Variants in PDE1C observed in about 807,000 individuals in gnomAD.
PDE1C encodes the protein phosphodiesterase 1C.
Under a neutral mutation model 93.1 loss-of-function variants are expected in PDE1C, and 62 were observed. The ratio of observed to expected loss-of-function variants is 0.67; its 90% CI spans 0.54 to 0.82. PDE1C has a LOEUF of 0.82. Among genes scored for constraint, PDE1C ranks in the 40% least tolerant of loss-of-function variants. The pLI is 0.00. For synonymous variants in PDE1C, 325 were observed against 310.1 expected, an observed-to-expected ratio of 1.05 and a Z score of -0.50; for missense variants, 742 against 884.6, an observed-to-expected ratio of 0.84 and a Z score of 2.04.
chr7:32,143,848 G>A (rs562010636), intron 3 of PDE1C, among the ~76,000 whole-genome samples: 76 of 152,160 alleles, frequency 5.0e-4, no homozygotes, highest in Middle Eastern at 3.4e-3. Flanking sequence ...TGTCCCTTAC[G>A]TAAAGAGCCA....
intron 3 of PDE1C, among the ~76,000 whole-genome samples, chr7:32,115,467 G>A (rs1798938501): frequency 6.6e-6 from 1 of 152,058 alleles, no homozygotes; most frequent in Non-Finnish European, 1.5e-5. Flanking sequence ...AGGGCCTGTT[G>A]AGGGGAGGGG....
chr7:32,233,136 C>T (rs947568757), intron 1 of PDE1C, among the ~76,000 whole-genome samples: 2 of 151,724 alleles, frequency 1.3e-5, no homozygotes, highest in Non-Finnish European at 2.9e-5. Context: ...GAAAATACTC[C>T]AAAAAAAGAA....
intron 3 of PDE1C, among the ~76,000 whole-genome samples, chr7:32,106,380 G>A (rs1798312571): frequency 6.6e-6 from 1 of 152,044 alleles, no homozygotes; most frequent in South Asian, 2.1e-4. Flanking sequence ...TCTTAAATAT[G>A]AGCAGTCAGG....
rs1476839304 is a variant in PDE1C at position 31,794,085 on chromosome 7, CAGACAGATAGAT to C, written c.1891+14934_1891+14945del. On this transcript the variant is annotated intron_variant, in intron 16 of 17. Transcript: ENST00000396191. ...ACAGACAGACAGACAGACAGACAGA[CAGACAGATAGAT>C]AGACAGATAGATGGGCAGGCGGGCA... Among the ~76,000 whole-genome samples the C allele has an allele frequency of 3.1e-3, 429 of 137,260 alleles. 4 individuals carry two copies. Among genetic ancestry groups the C allele is most frequent in the African/African-American group, 0.012 (396 of 34,124 alleles). The allele number at this position is 137,260 out of a possible 152,430, so 90.0% of individuals were successfully genotyped here.
intron 1 of PDE1C, among the ~76,000 whole-genome samples, chr7:32,406,079 C>A (rs1456316858): frequency 6.6e-6 from 1 of 152,128 alleles, no homozygotes; most frequent in African/African-American, 2.4e-5. Flanking sequence ...CTTCATGTTA[C>A]AGAAAAGGAA....
chr7:31,892,591 G>C (rs1387523684), intron 2 of PDE1C, among the ~76,000 whole-genome samples: 1 of 152,152 alleles, frequency 6.6e-6, no homozygotes, highest in African/African-American at 2.4e-5. Flanking sequence ...TGGCCATGAA[G>C]GGGTTGTAAA....
chr7:31,745,125 T>C, the PDE1C span, among the ~76,000 whole-genome samples: 8 of 152,202 alleles, frequency 5.3e-5, no homozygotes, highest in African/African-American at 1.9e-4. Context: ...TCTTCATCTA[T>C]GGATGCTAAT....
chr7:32,345,701 C>T (rs976356801), intron 1 of PDE1C, among the ~76,000 whole-genome samples: 3 of 151,942 alleles, frequency 2.0e-5, no homozygotes, highest in African/African-American at 7.3e-5. Context: ...TGTAAACAGA[C>T]AATTCATTAA....
chr7:32,206,183 G>C (rs1050674334), intron 2 of PDE1C, among the ~76,000 whole-genome samples: 1 of 152,120 alleles, frequency 6.6e-6, no homozygotes, highest in African/African-American at 2.4e-5. Flanking sequence ...TCTCCCACTA[G>C]CATGTAGGAG....
chr7:31,739,402 C>T, the PDE1C span, among the ~76,000 whole-genome samples: 88 of 152,200 alleles, frequency 5.8e-4, 1 homozygote, highest in Middle Eastern at 6.8e-3. Flanking sequence ...AGAGGGAATG[C>T]CCTTGTTTTA....
At chr7:32,298,538 C>A in intron 1 of PDE1C, 1 of 1,311,792 alleles carries the variant, frequency 7.6e-7, no homozygotes, top group Non-Finnish European at 1.1e-6. Context: ...GAGCACCCTC[C>A]GGCCCCAGCC....
intron 1 of PDE1C, among the ~76,000 whole-genome samples, chr7:32,053,120 C>T (rs1793607864): frequency 6.6e-6 from 1 of 152,174 alleles, no homozygotes; most frequent in Admixed American, 6.5e-5. Flanking sequence ...AGTCTTGGCT[C>T]TAGCACTTAG....
intron 2 of PDE1C, among the ~76,000 whole-genome samples, chr7:31,967,710 T>A (rs934747739): frequency 2.0e-5 from 3 of 152,200 alleles, no homozygotes; most frequent in African/African-American, 7.2e-5. Context: ...AATTCCTCAA[T>A]AAAACACTGG....
intron 1 of PDE1C, among the ~76,000 whole-genome samples, chr7:32,305,845 G>A (rs1812986570): frequency 6.6e-6 from 1 of 152,256 alleles, no homozygotes; most frequent in Non-Finnish European, 1.5e-5. Flanking sequence ...ACAGAGCTCA[G>A]TGAGCAGGGC....
chr7:32,113,528 T>A (rs1014535055), intron 3 of PDE1C, among the ~76,000 whole-genome samples: 3 of 151,686 alleles, frequency 2.0e-5, no homozygotes, highest in Non-Finnish European at 2.9e-5. Flanking sequence ...TACTTAGAAA[T>A]AAATATTACC....
intron 1 of PDE1C, among the ~76,000 whole-genome samples, chr7:32,364,378 A>T (rs1318936932): frequency 6.6e-6 from 1 of 152,230 alleles, no homozygotes; most frequent in East Asian, 1.9e-4. Flanking sequence ...GGAGAGTGCT[A>T]GAGTGTACCT....
the PDE1C span, among the ~76,000 whole-genome samples, chr7:31,622,042 C>G: frequency 7.0e-6 from 1 of 141,890 alleles, no homozygotes; most frequent in Non-Finnish European, 1.5e-5. Context: ...ATCAATTCAA[C>G]AAGAAGAGCT....
chr7:31,967,187 G>A (rs564637686), intron 2 of PDE1C, among the ~76,000 whole-genome samples: 1 of 152,064 alleles, frequency 6.6e-6, no homozygotes, highest in Non-Finnish European at 1.5e-5. Flanking sequence ...TTTTTGAAAC[G>A]ATCAACAAAA....
chr7:31,651,096 A>G, the PDE1C span: 2 of 1,587,842 alleles, frequency 1.3e-6, no homozygotes, highest in Non-Finnish European at 1.7e-6. Context: ...GCTCTTGCAG[A>G]GGATCAGAGA....
Sources: allele counts gnomAD v4.1 joint callset (sites outside exome capture counted in the v4.1 genomes callset), GRCh38; gene constraint gnomAD v4.1.1; transcripts MANE v1.5; gene names NCBI Gene and HGNC (gene_info 2026-07-23, HGNC 2026-07-21).